The following TESC variants were observed in gnomAD, a reference collection of about 807,000 sequenced individuals.
TESC encodes calcineurin B homologous protein 3.
A neutral mutation model predicts 31.0 loss-of-function variants in TESC; 19 were observed. The ratio of observed to expected loss-of-function variants is 0.61; its 90% CI spans 0.43 to 0.90. The LOEUF (loss-of-function observed/expected upper bound fraction) is 0.90. Ranked by LOEUF, TESC falls within the 40% of genes least tolerant of loss-of-function variation. TESC has a pLI of 0.00. For synonymous variants in TESC, 109 were observed against 114.8 expected (o/e 0.95, Z 0.32); for missense variants, 248 against 303.8 (o/e 0.82, Z 1.36).
chr12:117,053,707 T>C (rs548714063), intron 3 of TESC, among the ~76,000 whole-genome samples: 1 of 152,174 alleles, frequency 6.6e-6, no homozygotes, highest in African/African-American at 2.4e-5. Context: ...ACACACCCCC[T>C]AAACGTGCAC....
chr12:117,080,707 G>A (rs1217644242), intron 1 of TESC, among the ~76,000 whole-genome samples: 2 of 152,140 alleles, frequency 1.3e-5, no homozygotes, highest in Non-Finnish European at 2.9e-5. Flanking sequence ...GGTGGAGCTG[G>A]TCTAACCCAA....
intron 1 of TESC, among the ~76,000 whole-genome samples, chr12:117,078,348 C>T (rs1262395423): frequency 6.6e-6 from 1 of 152,110 alleles, no homozygotes; most frequent in Non-Finnish European, 1.5e-5. Context: ...TACCTGTAAT[C>T]CCAGCTACTT....
intron 2 of TESC, among the ~76,000 whole-genome samples, chr12:117,065,976 G>C (rs1954873210): frequency 6.6e-6 from 1 of 152,064 alleles, no homozygotes; most frequent in Non-Finnish European, 1.5e-5. Flanking sequence ...CTAGGGCAAA[G>C]GCAAACCCTC....
At chr12:117,047,323 A>G (rs1015214482) in intron 4 of TESC, among the ~76,000 whole-genome samples, 2 of 152,202 alleles carry the variant, frequency 1.3e-5, no homozygotes, top group African/African-American at 4.8e-5. Flanking sequence ...CAGGCCTGGC[A>G]TCAGGGAGGC....
chr12:117,042,308 C>A (rs1165962830), intron 6 of TESC, among the ~76,000 whole-genome samples: 3 of 152,176 alleles, frequency 2.0e-5, no homozygotes, highest in African/African-American at 7.2e-5. Flanking sequence ...CAGGGAGAAT[C>A]CGAGGTGTGG....
At chr12:117,076,434 G>A (rs1955075049) in intron 1 of TESC, among the ~76,000 whole-genome samples, 2 of 152,112 alleles carry the variant, frequency 1.3e-5, no homozygotes, top group Non-Finnish European at 2.9e-5. Flanking sequence ...TAAGTGAGTG[G>A]ATATTATCTC....
At chr12:117,067,140 G>T (rs763560789) in intron 2 of TESC, among the ~76,000 whole-genome samples, 1 of 152,080 alleles carries the variant, frequency 6.6e-6, no homozygotes, top group South Asian at 2.1e-4. Flanking sequence ...AAGTGAACGT[G>T]CATCATCCTA....
chr12:117,040,358 G>A (rs529865248), intron 7 of TESC, among the ~76,000 whole-genome samples: 2 of 152,324 alleles, frequency 1.3e-5, no homozygotes, highest in Admixed American at 6.5e-5. Flanking sequence ...GGCATTGGAA[G>A]GAATCAGGGA....
intron 2 of TESC, among the ~76,000 whole-genome samples, chr12:117,058,387 G>A (rs1431815321): frequency 6.6e-6 from 1 of 152,114 alleles, no homozygotes; most frequent in Non-Finnish European, 1.5e-5. Context: ...TCAGGGGGTT[G>A]GGGAGAGGGG....
intron 6 of TESC, among the ~76,000 whole-genome samples, chr12:117,045,096 G>A (rs1220028531): frequency 6.6e-6 from 1 of 152,192 alleles, no homozygotes; most frequent in African/African-American, 2.4e-5. Flanking sequence ...TGCACAGCTC[G>A]GTCTGGGTTT....
chr12:117,075,953 A>ATGTG (rs1955068263), intron 1 of TESC, among the ~76,000 whole-genome samples: 2 of 116,814 alleles, frequency 1.7e-5, no homozygotes, highest in African/African-American at 7.4e-5. Flanking sequence ...ATATATACAT[A>ATGTG]TATATATATA....
At chr12:117,082,741 G>A (rs1268248466) in intron 1 of TESC, among the ~76,000 whole-genome samples, 1 of 151,816 alleles carries the variant, frequency 6.6e-6, no homozygotes. Flanking sequence ...AATAGAAAAG[G>A]GTATACAACA....
chr12:117,039,246 C>T (rs778931929), intron 7 of TESC, 36 bp from the exon 8 acceptor site: 11 of 1,589,766 alleles, frequency 6.9e-6, no homozygotes, highest in East Asian at 2.3e-5. Context: ...GGCACGTTCC[C>T]GCCGCCACCT....
intron 6 of TESC, among the ~76,000 whole-genome samples, chr12:117,044,803 AG>A (rs1435613699): frequency 2.6e-5 from 4 of 152,174 alleles, no homozygotes; most frequent in Non-Finnish European, 5.9e-5. Context: ...AGGCTGAGGC[AG>A]GAGAATCACT....
intron 3 of TESC, among the ~76,000 whole-genome samples, chr12:117,051,361 C>T (rs745779020): frequency 6.6e-6 from 1 of 152,132 alleles, no homozygotes; most frequent in African/African-American, 2.4e-5. Context: ...GAGGTGGGGT[C>T]CCAAGTCTGG....
rs11068309 is a variant in TESC at position 117,058,632 on chromosome 12, A to G, written c.129-1746T>C. ...CGCCTGTAGTCCCAGCTAGCAACCA[A>G]TGCAGGAGGCTGAGGCAAGAGGATT... On this transcript the variant is annotated intron_variant, in intron 2 of 7. Coordinates refer to ENST00000335209, the MANE Select transcript of TESC (RefSeq NM_017899.4). 1.9e-3 allele frequency among the ~76,000 whole-genome samples: 285 copies of G among 151,276 alleles called. 1 individual carries two copies. The highest frequency in any genetic ancestry group is 3.4e-3 in the Middle Eastern group (1 of 290).
intron 3 of TESC, among the ~76,000 whole-genome samples, chr12:117,051,363 C>A (rs1305106180): frequency 1.3e-5 from 2 of 152,222 alleles, no homozygotes; most frequent in East Asian, 3.9e-4. Context: ...GGTGGGGTCC[C>A]AAGTCTGGAT....
At chr12:117,055,701 T>C (rs1238455253) in intron 3 of TESC, among the ~76,000 whole-genome samples, 1 of 152,168 alleles carries the variant, frequency 6.6e-6, no homozygotes, top group Non-Finnish European at 1.5e-5. Flanking sequence ...TGTGGGCAGC[T>C]CTCTGGAGGG....
At chr12:117,072,547 C>T (rs115261476) in intron 2 of TESC, among the ~76,000 whole-genome samples, 73 of 152,348 alleles carry the variant, frequency 4.8e-4, no homozygotes, top group African/African-American at 1.6e-3. Context: ...TTTGCCTCTG[C>T]ATCTCTATGC....
Sources: allele counts gnomAD v4.1 joint callset (sites outside exome capture counted in the v4.1 genomes callset), GRCh38; gene constraint gnomAD v4.1.1; transcripts MANE v1.5; gene names NCBI Gene and HGNC (gene_info 2026-07-23, HGNC 2026-07-21).